The following WWOX variants were observed in gnomAD, a reference collection of about 807,000 sequenced individuals.
The protein encoded by WWOX is WW domain-containing oxidoreductase.
Under a neutral mutation model 46.2 loss-of-function variants are expected in WWOX, and 69 were observed. The ratio of observed to expected loss-of-function variants is 1.49; its 90% CI spans 1.23 to 1.82. WWOX has a LOEUF of 1.82. Among genes scored for constraint, WWOX ranks in the 40% most tolerant of loss-of-function variants. The probability of loss-of-function intolerance (pLI) is 0.00; values close to 1 mark genes in which losing one functional copy is unlikely to be tolerated. For missense variants in WWOX, 919 were observed against 542.6 expected (o/e 1.69, Z -6.89); for synonymous variants, 359 against 202.6 (o/e 1.77, Z -6.56).
At chr16:79,025,883 C>G (rs1173251009) in intron 8 of WWOX, among the ~76,000 whole-genome samples, 2 of 145,726 alleles carry the variant, frequency 1.4e-5, no homozygotes, top group East Asian at 4.3e-4. Flanking sequence ...ACTGCAGCCT[C>G]CGCCTCCTGG....
At chr16:78,148,650 C>T (rs1232525297) in intron 4 of WWOX, among the ~76,000 whole-genome samples, 1 of 151,868 alleles carries the variant, frequency 6.6e-6, no homozygotes. Flanking sequence ...GTAATCCCAG[C>T]ACTTTGGGAG....
chr16:78,913,513 AG>A (rs745651221), intron 8 of WWOX, among the ~76,000 whole-genome samples: 3 of 151,974 alleles, frequency 2.0e-5, no homozygotes, highest in Non-Finnish European at 4.4e-5. Context: ...AGCTGGATAG[AG>A]CCAGGGTCCC....
At chr16:79,007,379 A>G (rs947905525) in intron 8 of WWOX, among the ~76,000 whole-genome samples, 8 of 152,172 alleles carry the variant, frequency 5.3e-5, no homozygotes, top group African/African-American at 1.2e-4. Context: ...GGCAAAAGGA[A>G]TGGCAAACAC....
At chr16:78,508,340 T>TTTTTTTTTTTTTA (rs1234843741) in intron 8 of WWOX, among the ~76,000 whole-genome samples, 1 of 121,738 alleles carries the variant, frequency 8.2e-6, no homozygotes, top group African/African-American at 3.0e-5. Context: ...TTTTTTTTTT[T>TTTTTTTTTTTTTA]AACGCTCATC....
chr16:78,667,625 C>T (rs916352172), intron 8 of WWOX, among the ~76,000 whole-genome samples: 9 of 137,806 alleles, frequency 6.5e-5, no homozygotes, highest in Admixed American at 2.4e-4. Context: ...GAGCCAAGAT[C>T]GTGCCACTGC....
intron 7 of WWOX, among the ~76,000 whole-genome samples, chr16:78,432,193 C>G (rs151037938): frequency 2.2e-3 from 331 of 151,816 alleles, no homozygotes; most frequent in African/African-American, 7.2e-3. Flanking sequence ...TCTTTGCTCA[C>G]TGCAACCTCT....
chr16:78,697,483 G>T (rs1464334786), intron 8 of WWOX, among the ~76,000 whole-genome samples: 1 of 152,114 alleles, frequency 6.6e-6, no homozygotes, highest in East Asian at 1.9e-4. Context: ...CAGAGTGGGA[G>T]AAAATCTATA....
intron 8 of WWOX, among the ~76,000 whole-genome samples, chr16:78,454,568 C>G (rs1389890246): frequency 6.6e-6 from 1 of 152,126 alleles, no homozygotes; most frequent in Non-Finnish European, 1.5e-5. Flanking sequence ...TGCAATGGCA[C>G]GATCTCTGCT....
intron 8 of WWOX, among the ~76,000 whole-genome samples, chr16:79,165,634 C>T (rs2050578889): frequency 6.6e-6 from 1 of 152,128 alleles, no homozygotes; most frequent in Non-Finnish European, 1.5e-5. Flanking sequence ...ACTCATTGTC[C>T]AGAAGATTCT....
At chr16:78,831,300 G>C (rs79528928) in intron 8 of WWOX, among the ~76,000 whole-genome samples, 3,217 of 152,290 alleles carry the variant, frequency 0.021, 115 homozygotes, top group African/African-American at 0.073. Context: ...TAGGCTCCTG[G>C]AGGATTGATA....
At chr16:78,815,531 A>T (rs2051306715) in intron 8 of WWOX, among the ~76,000 whole-genome samples, 1 of 152,132 alleles carries the variant, frequency 6.6e-6, no homozygotes. Flanking sequence ...ACCCTGACCA[A>T]GAATTTGAAA....
intron 8 of WWOX, among the ~76,000 whole-genome samples, chr16:79,146,881 T>TGAA (rs2050191876): frequency 6.6e-6 from 1 of 152,196 alleles, no homozygotes; most frequent in Non-Finnish European, 1.5e-5. Flanking sequence ...CTTGTACTTC[T>TGAA]ACATGTGTCC....
At chr16:78,657,859 G>A (rs1028046034) in intron 8 of WWOX, among the ~76,000 whole-genome samples, 7 of 151,500 alleles carry the variant, frequency 4.6e-5, no homozygotes, top group South Asian at 4.2e-4. Context: ...TTTGTTTTTC[G>A]GGGGCTGGAG....
At chr16:78,990,333 A>G (rs2151346115) in intron 8 of WWOX, among the ~76,000 whole-genome samples, 1 of 152,162 alleles carries the variant, frequency 6.6e-6, no homozygotes, top group East Asian at 1.9e-4. Flanking sequence ...GCTCTGCAAG[A>G]TCCTCCTTGT....
chr16:79,058,372 A>G (rs2048302784), intron 8 of WWOX, among the ~76,000 whole-genome samples: 1 of 97,298 alleles, frequency 1.0e-5, no homozygotes, highest in South Asian at 2.6e-4. Flanking sequence ...GGCAAGTAGT[A>G]AACTCTGGAT....
chr16:78,537,571 A>G (rs2043789632), intron 8 of WWOX, among the ~76,000 whole-genome samples: 1 of 151,954 alleles, frequency 6.6e-6, no homozygotes, highest in South Asian at 2.1e-4. Context: ...ACTAAACCAT[A>G]TTGTTTGCCA....
At chr16:78,602,773 A>G (rs1403587468) in intron 8 of WWOX, among the ~76,000 whole-genome samples, 1 of 152,196 alleles carries the variant, frequency 6.6e-6, no homozygotes, top group Non-Finnish European at 1.5e-5. Context: ...TACATGGTTT[A>G]TCTTGTAGCG....
intron 8 of WWOX, among the ~76,000 whole-genome samples, chr16:78,770,617 G>A (rs2050040723): frequency 6.6e-6 from 1 of 152,128 alleles, no homozygotes; most frequent in South Asian, 2.1e-4. Context: ...GAAGTCTCTG[G>A]AAATCAGCCT....
Position 78,227,385 on chromosome 16 carries a change from C to T in WWOX, c.516+63096C>T, listed in dbSNP as rs76212772. On this transcript the variant is annotated intron_variant, in intron 5 of 8. Coordinates refer to ENST00000566780, the MANE Select transcript of WWOX (RefSeq NM_016373.4). Reference sequence around the variant, plus strand: ...TCCGCCCATAGGATGTAGTTCCTTTCCATTGGAACACATGGGGACCGAGGG... The same window carrying T: ...TCCGCCCATAGGATGTAGTTCCTTTTCATTGGAACACATGGGGACCGAGGG... 2.2e-3 allele frequency among the ~76,000 whole-genome samples: 341 copies of T among 152,266 alleles called. 2 individuals are homozygous for T. The East Asian group carries it at 0.023, about 10-fold the overall frequency.
Sources: allele counts gnomAD v4.1 joint callset (sites outside exome capture counted in the v4.1 genomes callset), GRCh38; gene constraint gnomAD v4.1.1; transcripts MANE v1.5; gene names NCBI Gene and HGNC (gene_info 2026-07-23, HGNC 2026-07-21).